The following COL9A1 variants were observed in gnomAD, a reference collection of about 807,000 sequenced individuals.
COL9A1 encodes collagen type IX alpha 1 chain.
COL9A1 carries 104 observed loss-of-function variants against 142.6 expected under a neutral mutation model. That is an observed-to-expected ratio of 0.73 (90% CI 0.62 to 0.86). COL9A1 has a LOEUF of 0.86. COL9A1 is among the 40% of genes least tolerant of loss of function. COL9A1 has a pLI of 0.00. For missense variants in COL9A1, 1,210 were observed against 1,176.6 expected (o/e 1.03, Z -0.42); for synonymous variants, 466 against 396.0 (o/e 1.18, Z -2.10).
intron 32 of COL9A1, 42 bp from the exon 33 acceptor site, chr6:70,239,328 C>A (rs1275293667): frequency 1.3e-5 from 17 of 1,299,842 alleles, no homozygotes; most frequent in Non-Finnish European, 1.8e-5. Context: ...AATGTATTCA[C>A]ATTTGATAAT....
Position 70,283,028 on chromosome 6 carries a change from C to A in COL9A1, c.781-110G>T, listed in dbSNP as rs1399036276. On this transcript the variant is annotated intron_variant, in intron 6 of 37. Coordinates refer to ENST00000357250, the MANE Select transcript of COL9A1 (RefSeq NM_001851.6). The stretch of plus-strand genomic sequence containing the variant: ...CCCAACAGCAGCAGCCCCAGGGCCC[C>A]GCGGTCCCGCGCAGTCCAGGCCATG... The A allele has an allele frequency of 3.1e-6, 5 of 1,609,132 alleles. No homozygotes were observed. In the South Asian group the frequency reaches 3.3e-5, roughly 11 times the overall value.
At chr6:70,278,018 A>G (rs533295690) in intron 10 of COL9A1, among the ~76,000 whole-genome samples, 79 of 152,318 alleles carry the variant, frequency 5.2e-4, no homozygotes, top group Admixed American at 9.8e-4. Flanking sequence ...CTCAATTTAG[A>G]ATAAAAGATT....
In COL9A1 at chr6:70,252,148, A is replaced by C; in HGVS notation, c.1844T>G (p.Val615Gly). Reference protein sequence around the residue: ...KPGQQGPPGEVGPRGPQGLPG... With the variant: ...KPGQQGPPGEGGPRGPQGLPG... The stretch of plus-strand genomic sequence containing the variant: ...AAGCCCCTGGGGTCCTCGGGGTCCC[A>C]CCTCTCCTGGAGGCCCCTGTTGGCC... Residue 615 changes from valine to glycine, a missense_variant, in exon 28 of 38, where the codon GTG (valine) becomes GGG (glycine). Transcript: ENST00000357250. 1 of 1,614,138 alleles carries C rather than the reference A, an allele frequency of 6.2e-7. No homozygotes were observed. Among genetic ancestry groups the C allele is most frequent in the Non-Finnish European group, 8.5e-7 (1 of 1,180,008 alleles).
intron 25 of COL9A1, 56 bp downstream of exon 25, chr6:70,254,420 T>C (rs1021077180): frequency 9.8e-6 from 15 of 1,525,882 alleles, no homozygotes; most frequent in African/African-American, 9.6e-5. Context: ...CCCCAAAATG[T>C]ATATCTTTAA....
chr6:70,229,614 C>A (rs1769428019), intron 36 of COL9A1, among the ~76,000 whole-genome samples: 1 of 152,060 alleles, frequency 6.6e-6, no homozygotes, highest in Admixed American at 6.6e-5. Context: ...TTGATTCACA[C>A]TAAAATATCT....
chr6:70,302,786 C>T (rs1192267792), intron 1 of COL9A1, 125 bp downstream of exon 1: 2 of 1,080,266 alleles, frequency 1.9e-6, no homozygotes, highest in Admixed American at 3.4e-5. Context: ...ATCCGTCTCT[C>T]TTTCTGTCTC....
intron 13 of COL9A1, 122 bp from the exon 14 acceptor site, chr6:70,271,830 A>T (rs1171776695): frequency 5.4e-5 from 58 of 1,065,714 alleles, no homozygotes; most frequent in Non-Finnish European, 7.6e-5. Flanking sequence ...TTCCAATGAC[A>T]CAATAACTCA....
intron 37 of COL9A1, among the ~76,000 whole-genome samples, chr6:70,217,923 C>G (rs1768629642): frequency 6.6e-6 from 1 of 152,108 alleles, no homozygotes; most frequent in Non-Finnish European, 1.5e-5. Context: ...GGCAGATCAC[C>G]TGAGGTCAGG....
chr6:70,299,375 A>G (rs987032609), intron 4 of COL9A1, among the ~76,000 whole-genome samples: 1 of 152,156 alleles, frequency 6.6e-6, no homozygotes, highest in Non-Finnish European at 1.5e-5. Flanking sequence ...TATAATAATT[A>G]TCATAATCAT....
chr6:70,242,023 T>C lies in COL9A1; in HGVS notation c.1939A>G (p.Ser647Gly). Residue 647 changes from serine (S) to glycine (G), a missense_variant, in exon 30 of 38, where the codon AGC (serine) becomes GGC (glycine). Ser to Gly is a moderately conservative substitution (Grantham distance 56). Coordinates refer to ENST00000357250, the MANE Select transcript of COL9A1 (RefSeq NM_001851.6). The stretch of plus-strand genomic sequence containing the variant: ...CCAGGCAAGCCAGGGAGGCCAGGGC[T>C]ACCCAGAGAACCCTGGAAAGCAAAA... ...GLPGKLGSLGSPGLPGLPGPP... is the reference protein window; with the variant it reads ...GLPGKLGSLGGPGLPGLPGPP... The C allele has an allele frequency of 6.3e-7, 1 of 1,596,058 alleles. No individual in the cohort carries two copies. The highest frequency in any genetic ancestry group is 8.5e-7 in the Non-Finnish European group (1 of 1,169,860).
At chr6:70,265,809 C>T (rs558485) in intron 18 of COL9A1, among the ~76,000 whole-genome samples, 96,758 of 151,870 alleles carry the variant, frequency 0.64, 31,947 homozygotes, top group African/African-American at 0.82. Context: ...ATCCTGATTG[C>T]TTGAGGCTAT....
At chr6:70,283,630 G>A (rs1234530447) in intron 6 of COL9A1, 107 bp downstream of exon 6, 8 of 810,392 alleles carry the variant, frequency 9.9e-6, no homozygotes, top group Non-Finnish European at 1.5e-5. Context: ...CTTAGCGAAA[G>A]AGAGTGGGGA....
chr6:70,300,291 G>A lies in COL9A1; in HGVS notation c.166+18C>T. 1 of 1,609,540 alleles carries A rather than the reference G, an allele frequency of 6.2e-7. No homozygotes were observed. Among genetic ancestry groups the A allele is most frequent in the Non-Finnish European group, 8.5e-7 (1 of 1,176,068 alleles). ...TTATAGAAAGCATGCATTTTCAATA[G>A]GGTACATTGCTACTCACCTGGTAAG... On this transcript the variant is annotated intron_variant, in intron 3 of 37. Transcript: ENST00000357250.
chr6:70,297,847 T>TA (rs1248800064), intron 4 of COL9A1, among the ~76,000 whole-genome samples: 1 of 148,074 alleles, frequency 6.8e-6, no homozygotes, highest in Non-Finnish European at 1.5e-5. Flanking sequence ...AAATAAGGAA[T>TA]AAAAAACAGC....
chr6:70,256,784 C>T lies in COL9A1; in HGVS notation c.1487G>A (p.Gly496Asp), dbSNP rs1290861376. ...ATCACTTACAGGTGCACCAGGAAGA[C>T]CCTGAGGCCCAGGTTCACCATCTAA... ...RGLDGEPGPQ[G>D]LPGAPGDQGQ... The change falls in exon 21 of 38, where the codon GGT (glycine) becomes GAT (aspartate). Residue 496 changes from glycine to aspartate, a missense_variant. Transcript: ENST00000357250. 2 of 1,612,456 alleles carry T rather than the reference C, an allele frequency of 1.2e-6. No individual in the cohort carries two copies. Among genetic ancestry groups the T allele is most frequent in the Non-Finnish European group, 1.7e-6 (2 of 1,179,790 alleles).
At position 70,225,830 on chromosome 6, in the gene COL9A1, TA is replaced by T. The variant is rs562791036; in HGVS notation, c.2581+101del. On this transcript the variant is annotated intron_variant, in intron 37 of 37. Coordinates refer to ENST00000357250, the MANE Select transcript of COL9A1 (RefSeq NM_001851.6). ...AGCCATTCTGAATAATTAATATGCTTAAGTGATCAAATAACAATTATTTTAA... is the reference window on the plus strand; with the variant it reads ...AGCCATTCTGAATAATTAATATGCTTAGTGATCAAATAACAATTATTTTAA... 235 of 878,098 alleles carry T rather than the reference TA, an allele frequency of 2.7e-4. No individual in the cohort carries two copies. In the African/African-American group the frequency reaches 3.7e-3, roughly 14 times the overall value. 54.4% of individuals were successfully genotyped at this position (878,098 alleles called of 1,614,324 possible).
At chr6:70,268,497 G>A (rs1208847290) in intron 17 of COL9A1, among the ~76,000 whole-genome samples, 1 of 152,188 alleles carries the variant, frequency 6.6e-6, no homozygotes, top group Non-Finnish European at 1.5e-5. Flanking sequence ...TTACAGGCAT[G>A]AACCACTACA....
chr6:70,231,588 T>C (rs1402172559), intron 36 of COL9A1, among the ~76,000 whole-genome samples: 1 of 152,098 alleles, frequency 6.6e-6, no homozygotes, highest in Non-Finnish European at 1.5e-5. Flanking sequence ...TTAAATAAAT[T>C]GTTCCAGCTG....
rs777574367 is a variant in COL9A1, at chr6:70,256,825, C to A, written c.1450-4G>T. 7 of 1,612,730 alleles carry A rather than the reference C, an allele frequency of 4.3e-6. No homozygotes were observed. The East Asian group carries it at 1.1e-4, about 26-fold the overall frequency. ...CACCATCTAAGCCCCGAGCACCCTG[C>A]AAAAAAACAAGACAATGGAAAAAAA... is the stretch of plus-strand genomic sequence containing the variant. On this transcript the variant is annotated splice_polypyrimidine_tract_variant and splice_region_variant and intron_variant, in intron 20 of 37. Transcript: ENST00000357250.
Sources: allele counts gnomAD v4.1 joint callset (sites outside exome capture counted in the v4.1 genomes callset), GRCh38; gene constraint gnomAD v4.1.1; transcripts MANE v1.5; gene names NCBI Gene and HGNC (gene_info 2026-07-23, HGNC 2026-07-21).